The following DPYD variants were observed in gnomAD, a reference collection of about 807,000 sequenced individuals.
DPYD encodes dihydropyrimidine dehydrogenase, also known as dihydropyrimidine dehydrogenase [NADP(+)].
Under a neutral mutation model 116.2 loss-of-function variants are expected in DPYD, and 109 were observed. That is an observed-to-expected ratio of 0.94 (90% CI 0.80 to 1.10). The LOEUF is 1.10. DPYD is among the 50% of genes least tolerant of loss of function. The pLI, the probability that DPYD is intolerant of heterozygous loss-of-function variation, is 0.00. For synonymous variants in DPYD, 440 were observed against 432.0 expected, an observed-to-expected ratio of 1.02 and a Z score of -0.23; for missense variants, 1,302 against 1,254.5, an observed-to-expected ratio of 1.04 and a Z score of -0.57.
intron 3 of DPYD, among the ~76,000 whole-genome samples, chr1:97,824,802 C>T (rs1256106947): frequency 6.6e-6 from 1 of 152,296 alleles, no homozygotes; most frequent in East Asian, 1.9e-4. Context: ...CCTGTATTTT[C>T]GTAGACATCT....
In DPYD at chr1:97,437,971, G is replaced by T. The variant is rs1276406745; in HGVS notation, c.1905+12088C>A. Among the ~76,000 whole-genome samples the T allele has an allele frequency of 3.3e-5, 5 of 152,036 alleles. No individual in the cohort carries two copies. The East Asian group carries it at 9.6e-4, about 29-fold the overall frequency. On this transcript the variant is annotated intron_variant, in intron 14 of 22. Coordinates refer to ENST00000370192, the MANE Select transcript of DPYD (RefSeq NM_000110.4). ...AACACCCAATTTTTCCAGCATATTT[G>T]CTGAAAGACTATATTTTGTCCACTG...
intron 5 of DPYD, among the ~76,000 whole-genome samples, chr1:97,718,056 T>C (rs182596528): frequency 1.2e-4 from 19 of 152,208 alleles, no homozygotes; most frequent in East Asian, 7.7e-4. Context: ...CTGTTTTCCA[T>C]AGTGGTTGTA....
At chr1:97,169,523 T>TTTTTATTTTATTTTA (rs11275458) in intron 20 of DPYD, among the ~76,000 whole-genome samples, 9,183 of 143,020 alleles carry the variant, frequency 0.064, 662 homozygotes, top group African/African-American at 0.17. Flanking sequence ...ATTGGGTTAA[T>TTTTTATTTTATTTTA]TTTTATTTTA....
chr1:97,129,726 G>C (rs1170580474), intron 20 of DPYD, among the ~76,000 whole-genome samples: 1 of 152,104 alleles, frequency 6.6e-6, no homozygotes, highest in Non-Finnish European at 1.5e-5. Context: ...CCACAAGATG[G>C]TTATTTCTTT....
At chr1:97,173,486 A>G (rs1657017911) in intron 20 of DPYD, among the ~76,000 whole-genome samples, 1 of 151,108 alleles carries the variant, frequency 6.6e-6, no homozygotes, top group Non-Finnish European at 1.5e-5. Context: ...GTGTATATAT[A>G]TACACGCATA....
intron 16 of DPYD, among the ~76,000 whole-genome samples, chr1:97,361,115 A>G (rs1670701923): frequency 6.6e-6 from 1 of 152,192 alleles, no homozygotes; most frequent in African/African-American, 2.4e-5. Flanking sequence ...ATAAATGATA[A>G]AGGGGATATC....
At chr1:97,183,271 A>G (rs1243557580) in intron 20 of DPYD, among the ~76,000 whole-genome samples, 2 of 152,000 alleles carry the variant, frequency 1.3e-5, no homozygotes, top group East Asian at 3.9e-4. Flanking sequence ...ACATATTTAA[A>G]ATTACTTTTT....
intron 16 of DPYD, among the ~76,000 whole-genome samples, chr1:97,329,295 T>C (rs1226873980): frequency 6.6e-6 from 1 of 152,206 alleles, no homozygotes; most frequent in African/African-American, 2.4e-5. Context: ...GGAACAGCCA[T>C]TTATATTACA....
chr1:97,340,910 G>A (rs1669556237), intron 16 of DPYD, among the ~76,000 whole-genome samples: 1 of 152,068 alleles, frequency 6.6e-6, no homozygotes, highest in African/African-American at 2.4e-5. Context: ...AGAATACCTT[G>A]GCAATTTCCC....
At chr1:97,698,572 T>C (rs371172699) in intron 6 of DPYD, among the ~76,000 whole-genome samples, 1 of 152,020 alleles carries the variant, frequency 6.6e-6, no homozygotes. Context: ...ATGTTAAGCA[T>C]AGAAACAGAT....
At chr1:97,866,047 G>C (rs949231401) in intron 2 of DPYD, among the ~76,000 whole-genome samples, 1 of 151,910 alleles carries the variant, frequency 6.6e-6, no homozygotes, top group African/African-American at 2.4e-5. Flanking sequence ...TCTCTAATTT[G>C]ATAATAGAAG....
intron 14 of DPYD, among the ~76,000 whole-genome samples, chr1:97,390,994 A>G (rs1672663329): frequency 1.3e-5 from 2 of 150,086 alleles, no homozygotes; most frequent in Admixed American, 1.3e-4. Context: ...AACCACCTCC[A>G]GTTTCTTGAA....
intron 1 of DPYD, among the ~76,000 whole-genome samples, chr1:97,891,962 G>C (rs1672799920): frequency 6.6e-6 from 1 of 151,836 alleles, no homozygotes; most frequent in South Asian, 2.1e-4. Context: ...CTGACATTTT[G>C]TACTTACATG....
chr1:97,228,496 A>T, intron 19 of DPYD, among the ~76,000 whole-genome samples: 1 of 152,298 alleles, frequency 6.6e-6, no homozygotes, highest in Middle Eastern at 3.4e-3. Context: ...TTGAGTGTAA[A>T]TCTTAATTTT....
chr1:97,602,289 T>C (rs1205160076), intron 8 of DPYD, among the ~76,000 whole-genome samples: 1 of 152,032 alleles, frequency 6.6e-6, no homozygotes, highest in Non-Finnish European at 1.5e-5. Context: ...TTGGCTTCTA[T>C]ACTTCATGTA....
chr1:97,084,755 G>A (rs1297607808), intron 21 of DPYD, among the ~76,000 whole-genome samples: 1 of 152,080 alleles, frequency 6.6e-6, no homozygotes, highest in Non-Finnish European at 1.5e-5. Flanking sequence ...TGACTCATTT[G>A]TTATTCTGTA....
intron 13 of DPYD, among the ~76,000 whole-genome samples, chr1:97,498,472 G>T (rs1679394057): frequency 7.1e-6 from 1 of 141,174 alleles, no homozygotes; most frequent in South Asian, 2.3e-4. Context: ...ACAGTACTTT[G>T]CCTCTCTCTC....
chr1:97,491,758 C>G (rs1391035915), intron 13 of DPYD, among the ~76,000 whole-genome samples: 1 of 151,974 alleles, frequency 6.6e-6, no homozygotes, highest in East Asian at 1.9e-4. Context: ...ATCATATTGT[C>G]TATTATATAA....
At chr1:97,247,194 C>T (rs1194713045) in intron 18 of DPYD, among the ~76,000 whole-genome samples, 1 of 152,096 alleles carries the variant, frequency 6.6e-6, no homozygotes, top group African/African-American at 2.4e-5. Context: ...TTCACAGATG[C>T]ATCTATACTT....
Sources: allele counts gnomAD v4.1 joint callset (sites outside exome capture counted in the v4.1 genomes callset), GRCh38; gene constraint gnomAD v4.1.1; transcripts MANE v1.5; gene names NCBI Gene and HGNC (gene_info 2026-07-23, HGNC 2026-07-21).